The following KCP variants were observed in gnomAD, a reference collection of about 807,000 sequenced individuals.
KCP encodes the protein kielin/chordin-like protein.
A neutral mutation model predicts 212.7 loss-of-function variants in KCP; 194 were observed. The ratio of observed to expected loss-of-function variants is 0.91; its 90% CI spans 0.81 to 1.03. The LOEUF (loss-of-function observed/expected upper bound fraction) is 1.03. Among genes scored for constraint, KCP ranks in the 50% least tolerant of loss-of-function variants. The pLI, the probability that KCP is intolerant of heterozygous loss-of-function variation, is 0.00. For missense variants in KCP, 2,080 were observed against 2,162.5 expected (o/e 0.96, Z 0.76); for synonymous variants, 833 against 865.3 (o/e 0.96, Z 0.65).
rs149751415 is a variant in KCP at position 128,887,824 on chromosome 7, TACACAC to T, written c.2513-530_2513-525del. 2.7e-3 allele frequency among the ~76,000 whole-genome samples: 349 copies of T among 128,832 alleles called. 4 individuals are homozygous for T. The South Asian group carries it at 0.051, about 19-fold the overall frequency. The allele number at this position is 128,832 out of a possible 152,430, so 84.5% of individuals were successfully genotyped here. A position where few individuals can be genotyped will look rare whatever the true frequency, so the allele number is the denominator to read the frequency against. On this transcript the variant is annotated intron_variant, in intron 22 of 39. Transcript: ENST00000610776. ...ACACATACCCATATACACAGCCACA[TACACAC>T]ACACACACACACATACACACATACC...
chr7:128,892,147 C>T (rs1438161678), intron 16 of KCP, among the ~76,000 whole-genome samples: 1 of 151,998 alleles, frequency 6.6e-6, no homozygotes, highest in African/African-American at 2.4e-5. Context: ...CATCCCAGCA[C>T]CCGGCCTCCT....
intron 2 of KCP, 98 bp from the exon 3 acceptor site, chr7:128,907,551 G>T (rs1795189467): frequency 1.2e-6 from 1 of 844,592 alleles, no homozygotes; most frequent in Non-Finnish European, 1.7e-6. Context: ...TGAGAAAGAA[G>T]TTCGCCAATT....
intron 38 of KCP, 47 bp downstream of exon 38, chr7:128,878,511 C>G: frequency 1.3e-6 from 2 of 1,513,914 alleles, no homozygotes; most frequent in South Asian, 2.5e-5. Context: ...GACTCATGCT[C>G]AGCTGCGTCT....
Position 128,893,285 on chromosome 7 carries a change from G to C in KCP, c.1220C>G (p.Pro407Arg), listed in dbSNP as rs1196210061. Residue 407 changes from proline to arginine, a missense_variant, in exon 13 of 40, where the codon CCA (proline) becomes CGA (arginine). Physicochemically the swap from Pro to Arg is moderately radical, Grantham distance 103. Coordinates refer to ENST00000610776, the MANE Select transcript of KCP (RefSeq NM_001366122.1). ...GEVSCEEQEC[P>R]VTPCALPASG... Reference sequence around the variant, plus strand: ...GGCAGGCAGGGCACAGGGGGTGACTGGGCACTCCTGCTCCTCACAGGAGAC... The same window carrying C: ...GGCAGGCAGGGCACAGGGGGTGACTCGGCACTCCTGCTCCTCACAGGAGAC... 3.3e-5 allele frequency: 51 copies of C among 1,551,466 alleles called. 1 individual carries two copies. Among genetic ancestry groups the C allele is most frequent in the Non-Finnish European group, 3.4e-5 (39 of 1,146,906 alleles).
In KCP at chr7:128,892,512, A is replaced by C. The variant is rs1179048406; in HGVS notation, c.1621+2T>G. On this transcript the variant is annotated splice_donor_variant, in intron 16 of 39. Transcript: ENST00000610776. LOFTEE classifies it high-confidence loss of function. ...CCTCAGGCCCAGTGAGTGCCCACAT[A>C]CCTGGGCACCTGGGGCAACACTGGC... 1 of 1,519,366 alleles carries C rather than the reference A, an allele frequency of 6.6e-7. No individual in the cohort carries two copies. The highest frequency in any genetic ancestry group is 2.5e-5 in the East Asian group (1 of 40,592). The allele number at this position is 1,519,366 out of a possible 1,614,324, so 94.1% of individuals were successfully genotyped here. A position where few individuals can be genotyped will look rare whatever the true frequency, so the allele number is the denominator to read the frequency against.
At position 128,891,248 on chromosome 7, in the gene KCP, A is replaced by C. The variant is rs1234219802; in HGVS notation, c.1909T>G (p.Cys637Gly). 1 of 1,546,944 alleles carries C rather than the reference A, an allele frequency of 6.5e-7. No individual in the cohort carries two copies. Among genetic ancestry groups the C allele is most frequent in the Non-Finnish European group, 8.7e-7 (1 of 1,146,700 alleles). Residue 637 changes from cysteine (C) to glycine (G), a missense_variant, in exon 19 of 40, where the codon TGC becomes GGC. Coordinates refer to ENST00000610776, the MANE Select transcript of KCP (RefSeq NM_001366122.1). ...SGNVQCLARR[C>G]VPLPCPEPVL... The stretch of plus-strand genomic sequence containing the variant: ...GGCTCTGGACAGGGCAGCGGCACGC[A>C]GCGGCGGGCCAGGCACTGCACGTTG...
chr7:128,891,581 G>A (rs1304429106), intron 17 of KCP, 48 bp from the exon 18 acceptor site: 1 of 1,528,714 alleles, frequency 6.5e-7, no homozygotes, highest in East Asian at 2.5e-5. Context: ...CTGCCCCAGG[G>A]CGTGCTGCCT....
chr7:128,880,127 C>A, intron 34 of KCP, 42 bp from the exon 35 acceptor site: 1 of 1,481,208 alleles, frequency 6.8e-7, no homozygotes. Context: ...CCGCCCTCCC[C>A]GCCATGCCTC....
At position 128,893,269 on chromosome 7, in the gene KCP, G is replaced by A; in HGVS notation, c.1236C>T (p.Ala412=). The part of the protein sequence containing the change: ...EEQECPVTPC[A]LPASGRQLCP... ...AGAGCTGGCGGCCAGAGGCAGGCAGGGCACAGGGGGTGACTGGGCACTCCT... is the reference window on the plus strand; with the variant it reads ...AGAGCTGGCGGCCAGAGGCAGGCAGAGCACAGGGGGTGACTGGGCACTCCT... The change falls in exon 13 of 40, where the codon GCC becomes GCT. Residue 412 remains alanine, a synonymous_variant. Coordinates refer to ENST00000610776, the MANE Select transcript of KCP (RefSeq NM_001366122.1). The A allele has an allele frequency of 2.6e-6, 4 of 1,551,412 alleles. No homozygotes were observed. The highest frequency in any genetic ancestry group is 3.5e-6 in the Non-Finnish European group (4 of 1,146,926).
Position 128,903,875 on chromosome 7 carries a change from G to A in KCP, c.655-55C>T, listed in dbSNP as rs1794985295. 6 of 1,323,318 alleles carry A rather than the reference G, an allele frequency of 4.5e-6. No homozygotes were observed. In the South Asian group the frequency reaches 5.0e-5, roughly 11 times the overall value. The allele number at this position is 1,323,318 out of a possible 1,614,324, so 82.0% of individuals were successfully genotyped here. A position where few individuals can be genotyped will look rare whatever the true frequency, so the allele number is the denominator to read the frequency against. On this transcript the variant is annotated intron_variant, in intron 6 of 39. Coordinates refer to ENST00000610776, the MANE Select transcript of KCP (RefSeq NM_001366122.1). ...AGGTCTGGCTCCCGCAGAGGGCTGG[G>A]TGGGCGGGTGTTGGGCACCCTCGGA...
In KCP at chr7:128,886,481, C is replaced by A; in HGVS notation, c.2849G>T (p.Cys950Phe). Reference protein sequence around the residue: ...CKLQVTERGSCCPRCRGCLAH... With the variant: ...CKLQVTERGSFCPRCRGCLAH... Reference sequence around the variant, plus strand: ...GGCCATACCTCTGCAGCGAGGGCAGCAGCTCCCCCGCTCGGTGACCTGGAG... The same window carrying A: ...GGCCATACCTCTGCAGCGAGGGCAGAAGCTCCCCCGCTCGGTGACCTGGAG... The change falls in exon 26 of 40, where the codon TGC becomes TTC. Residue 950 changes from cysteine (C) to phenylalanine (F), a missense_variant. Coordinates refer to ENST00000610776, the MANE Select transcript of KCP (RefSeq NM_001366122.1). The A allele has an allele frequency of 6.5e-7, 1 of 1,549,550 alleles. No homozygotes were observed. Among genetic ancestry groups the A allele is most frequent in the Non-Finnish European group, 8.7e-7 (1 of 1,146,060 alleles).
chr7:128,907,469 G>A lies in KCP; in HGVS notation c.220-16C>T, dbSNP rs757277407. 7 of 1,439,650 alleles carry A rather than the reference G, an allele frequency of 4.9e-6. No individual in the cohort carries two copies. Among genetic ancestry groups the A allele is most frequent in the African/African-American group, 1.4e-5 (1 of 69,712 alleles). The allele number at this position is 1,439,650 out of a possible 1,614,324, so 89.2% of individuals were successfully genotyped here. Reference sequence around the variant, plus strand: ...GGTCCTTATTCTGGAGGAAGGAGATGGAATAGCAGGCACTGGCTCAGCTTC... The same window carrying A: ...GGTCCTTATTCTGGAGGAAGGAGATAGAATAGCAGGCACTGGCTCAGCTTC... On this transcript the variant is annotated splice_polypyrimidine_tract_variant and intron_variant, in intron 2 of 39. Transcript: ENST00000610776.
intron 9 of KCP, 39 bp downstream of exon 9, chr7:128,894,161 C>T: frequency 6.6e-7 from 1 of 1,509,012 alleles, no homozygotes; most frequent in South Asian, 1.3e-5. Flanking sequence ...CTCCAGGTTG[C>T]CCACCATGGT....
In KCP at chr7:128,884,770, C is replaced by A. The variant is rs773113908; in HGVS notation, c.3123+11G>T. The A allele has an allele frequency of 4.3e-5, 66 of 1,550,658 alleles. No individual in the cohort carries two copies. Among genetic ancestry groups the A allele is most frequent in the Non-Finnish European group, 5.4e-5 (62 of 1,146,826 alleles). ...GAGGTGCCCCAGCCCCACCACTGTG[C>A]CCTCACCTACCTCGCAGATGCACAC... On this transcript the variant is annotated intron_variant, in intron 28 of 39. Transcript: ENST00000610776.
In KCP at chr7:128,889,135, A is replaced by G. The variant is rs1793927268; in HGVS notation, c.2336-96T>C. 1.1e-5 allele frequency: 9 copies of G among 790,188 alleles called. No homozygotes were observed. The East Asian group carries it at 1.6e-4, about 14-fold the overall frequency. 48.9% of individuals were successfully genotyped at this position (790,188 alleles called of 1,614,324 possible). A position where few individuals can be genotyped will look rare whatever the true frequency, so the allele number is the denominator to read the frequency against. On this transcript the variant is annotated intron_variant, in intron 21 of 39. Coordinates refer to ENST00000610776, the MANE Select transcript of KCP (RefSeq NM_001366122.1). ...TGAGCTTGGGCCTGTTATGCATCCA[A>G]GATCTCAAAGATCTAGCGTGGGGGC... is the stretch of plus-strand genomic sequence containing the variant.
chr7:128,905,763 C>A (rs1365619536), intron 5 of KCP, among the ~76,000 whole-genome samples: 1 of 152,034 alleles, frequency 6.6e-6, no homozygotes, highest in Non-Finnish European at 1.5e-5. Flanking sequence ...GGACTTCCTG[C>A]AACCCACCTC....
chr7:128,906,676 G>T (rs2128950636), intron 4 of KCP, among the ~76,000 whole-genome samples: 1 of 152,288 alleles, frequency 6.6e-6, no homozygotes. Flanking sequence ...CTGGGGGAAG[G>T]TGGATGTGGC....
In KCP at chr7:128,882,033, C is replaced by A. The variant is rs1793364545; in HGVS notation, c.3245-17G>T. The A allele has an allele frequency of 6.5e-7, 1 of 1,543,706 alleles. No homozygotes were observed. The highest frequency in any genetic ancestry group is 8.8e-7 in the Non-Finnish European group (1 of 1,140,500). ...TCAAGGCCTCTGTGAAGACAAGAAT[C>A]CAGAGTGCGGGACAGAAAGAGGGGC... is the stretch of plus-strand genomic sequence containing the variant. On this transcript the variant is annotated splice_polypyrimidine_tract_variant and intron_variant, in intron 29 of 39. Transcript: ENST00000610776.
Position 128,908,549 on chromosome 7 carries a change from C to G in KCP, c.96G>C (p.Glu32Asp). 6.4e-7 allele frequency: 1 copy of G among 1,551,212 alleles called. No individual in the cohort carries two copies. Among genetic ancestry groups the G allele is most frequent in the Non-Finnish European group, 8.7e-7 (1 of 1,146,718 alleles). Residue 32 changes from glutamate to aspartate, a missense_variant, in exon 2 of 40, where the codon GAG becomes GAC. By Grantham distance (45) the Glu-to-Asp change is conservative (BLOSUM62 2). Transcript: ENST00000610776. ...AGAEGGAVPR[E>D]PPGQQTTAHS... ...GGGCAGTTGTCTGCTGCCCAGGGGGCTCCCTGGGGACAGCCCCACCTGAAG... is the reference window on the plus strand; with the variant it reads ...GGGCAGTTGTCTGCTGCCCAGGGGGGTCCCTGGGGACAGCCCCACCTGAAG...
Sources: allele counts gnomAD v4.1 joint callset (sites outside exome capture counted in the v4.1 genomes callset), GRCh38; gene constraint gnomAD v4.1.1; transcripts MANE v1.5; gene names NCBI Gene and HGNC (gene_info 2026-07-23, HGNC 2026-07-21).